The following RALGAPB variants were observed in gnomAD, a reference collection of about 807,000 sequenced individuals.
RALGAPB encodes the protein ral GTPase-activating protein subunit beta.
Under a neutral mutation model 161.1 loss-of-function variants are expected in RALGAPB, and 25 were observed. That is an observed-to-expected ratio of 0.16 (90% confidence interval 0.11 to 0.22). The LOEUF (loss-of-function observed/expected upper bound fraction) is 0.22. RALGAPB is among the 10% of genes least tolerant of loss of function. RALGAPB has a pLI of 1.00. For synonymous variants in RALGAPB, 629 were observed against 626.1 expected (o/e 1.00, Z -0.07); for missense variants, 1,391 against 1,815.2 (o/e 0.77, Z 4.25).
intron 24 of RALGAPB, among the ~76,000 whole-genome samples, chr20:38,564,363 T>C (rs1273184876): frequency 6.6e-6 from 1 of 152,252 alleles, no homozygotes; most frequent in African/African-American, 2.4e-5. Flanking sequence ...TAAAATGTTA[T>C]CTGTCTGGTC....
At chr20:38,483,208 AT>A (rs1600824120) in intron 1 of RALGAPB, among the ~76,000 whole-genome samples, 2 of 152,116 alleles carry the variant, frequency 1.3e-5, no homozygotes, top group South Asian at 4.1e-4. Context: ...TATTATCCCC[AT>A]TTTACAGATG....
chr20:38,552,705 A>G (rs937839824), intron 21 of RALGAPB, among the ~76,000 whole-genome samples: 1 of 152,156 alleles, frequency 6.6e-6, no homozygotes, highest in South Asian at 2.1e-4. Context: ...GTTTATGAAA[A>G]TTTTAATCCT....
intron 1 of RALGAPB, among the ~76,000 whole-genome samples, chr20:38,477,284 T>C (rs185060261): frequency 5.9e-5 from 9 of 152,324 alleles, no homozygotes; most frequent in Admixed American, 3.9e-4. Context: ...ATAGCTGCTG[T>C]ATTGGACAGA....
intron 6 of RALGAPB, among the ~76,000 whole-genome samples, chr20:38,513,166 G>A (rs574076712): frequency 1.3e-5 from 2 of 151,512 alleles, no homozygotes; most frequent in East Asian, 2.0e-4. Flanking sequence ...TTAGGAGTTC[G>A]AGACCAGCCT....
intron 26 of RALGAPB, among the ~76,000 whole-genome samples, chr20:38,568,180 C>T (rs981885296): frequency 3.9e-5 from 6 of 152,076 alleles, no homozygotes; most frequent in Non-Finnish European, 4.4e-5. Flanking sequence ...TTCCTTAGAA[C>T]CCAGATAAAG....
intron 17 of RALGAPB, 29 bp downstream of exon 17, chr20:38,539,987 G>A (rs758445423): frequency 1.9e-6 from 3 of 1,577,854 alleles, no homozygotes; most frequent in East Asian, 2.3e-5. Flanking sequence ...AAACCATTAA[G>A]TAAAAACAAA....
chr20:38,574,976 A>C lies in RALGAPB; in HGVS notation c.*9A>C, dbSNP rs778765832. 6.3e-7 allele frequency: 1 copy of C among 1,594,300 alleles called. No individual in the cohort carries two copies. Among genetic ancestry groups the C allele is most frequent in the South Asian group, 1.1e-5 (1 of 90,642 alleles). On this transcript the variant is annotated 3_prime_UTR_variant, in exon 30 of 30. Transcript: ENST00000262879. ...AGAACTGCAGTTCTTAGACCACTGA[A>C]TTTCTAAGACTGTTGAACTCCAGTT...
In RALGAPB at chr20:38,517,785, T is replaced by C. The variant is rs1396752267; in HGVS notation, c.1202T>C (p.Val401Ala). 6.2e-7 allele frequency: 1 copy of C among 1,611,228 alleles called. No homozygotes were observed. The highest frequency in any genetic ancestry group is 1.1e-5 in the South Asian group (1 of 91,018). Residue 401 changes from valine to alanine, a missense_variant and splice_region_variant, in exon 9 of 30, where the codon GTT becomes GCT. Coordinates refer to ENST00000262879, the MANE Select transcript of RALGAPB (RefSeq NM_020336.4). ...VNKATMKTST[V>A]STAHASKVQH... ...TGTATTCTTGTGTTCGTCTAATAGGTTAGTACTGCTCATGCCTCTAAAGTT... is the reference window on the plus strand; with the variant it reads ...TGTATTCTTGTGTTCGTCTAATAGGCTAGTACTGCTCATGCCTCTAAAGTT...
chr20:38,519,817 C>T (rs2086236487), intron 9 of RALGAPB, among the ~76,000 whole-genome samples: 1 of 152,164 alleles, frequency 6.6e-6, no homozygotes, highest in Admixed American at 6.5e-5. Context: ...TTTTTAAGTA[C>T]TGGCTGCCAT....
intron 19 of RALGAPB, chr20:38,547,618 A>G (rs1425198560): frequency 6.6e-6 from 1 of 152,224 alleles, no homozygotes; most frequent in African/African-American, 2.4e-5. Context: ...CCATGAAGTG[A>G]AAGTGAGACA....
At chr20:38,564,055 G>A (rs1403349062) in intron 24 of RALGAPB, among the ~76,000 whole-genome samples, 1 of 152,182 alleles carries the variant, frequency 6.6e-6, no homozygotes. Flanking sequence ...CTCTGGTAGA[G>A]AGATACAGGC....
At chr20:38,521,025 T>G (rs1409498207) in intron 9 of RALGAPB, among the ~76,000 whole-genome samples, 1 of 152,184 alleles carries the variant, frequency 6.6e-6, no homozygotes, top group Non-Finnish European at 1.5e-5. Flanking sequence ...ATCCTTACTT[T>G]GCCCTCTCCC....
intron 13 of RALGAPB, among the ~76,000 whole-genome samples, chr20:38,529,658 C>T (rs1253694826): frequency 6.6e-6 from 1 of 151,840 alleles, no homozygotes; most frequent in Non-Finnish European, 1.5e-5. Flanking sequence ...TGGTGAAACC[C>T]CGTCTCTACT....
At chr20:38,505,493 G>C (rs2085734908) in intron 5 of RALGAPB, among the ~76,000 whole-genome samples, 1 of 152,108 alleles carries the variant, frequency 6.6e-6, no homozygotes, top group South Asian at 2.1e-4. Flanking sequence ...CCAAGCCTCA[G>C]CATCATGCAG....
At chr20:38,525,005 T>C in intron 11 of RALGAPB, 60 bp downstream of exon 11, 1 of 1,478,862 alleles carries the variant, frequency 6.8e-7, no homozygotes, top group South Asian at 1.2e-5. Flanking sequence ...CTGTTGGTGC[T>C]TCCTCCCCAG....
chr20:38,556,466 A>G (rs1264592340), intron 22 of RALGAPB, among the ~76,000 whole-genome samples: 1 of 152,148 alleles, frequency 6.6e-6, no homozygotes, highest in African/African-American at 2.4e-5. Context: ...TAAGAAAATC[A>G]ATAAAATATT....
At chr20:38,547,215 C>A (rs1366228582) in intron 19 of RALGAPB, 1 of 152,214 alleles carries the variant, frequency 6.6e-6, no homozygotes, top group Non-Finnish European at 1.5e-5. Context: ...ATCACTGCGA[C>A]CCAAACTATC....
intron 16 of RALGAPB, among the ~76,000 whole-genome samples, chr20:38,538,800 C>T (rs1392978924): frequency 6.6e-6 from 1 of 152,086 alleles, no homozygotes; most frequent in African/African-American, 2.4e-5. Flanking sequence ...GAACTATTGA[C>T]GAGAATGTTA....
At chr20:38,482,923 G>A (rs1360325841) in intron 1 of RALGAPB, among the ~76,000 whole-genome samples, 1 of 152,170 alleles carries the variant, frequency 6.6e-6, no homozygotes, top group Non-Finnish European at 1.5e-5. Context: ...CCGCTCTGTA[G>A]CCCAGGCTGG....
Sources: allele counts gnomAD v4.1 joint callset (sites outside exome capture counted in the v4.1 genomes callset), GRCh38; gene constraint gnomAD v4.1.1; transcripts MANE v1.5; gene names NCBI Gene and HGNC (gene_info 2026-07-23, HGNC 2026-07-21).